Variants in KCNH1 observed in about 807,000 individuals in gnomAD.
KCNH1 encodes voltage-gated delayed rectifier potassium channel KCNH1.
Under a neutral mutation model 69.2 loss-of-function variants are expected in KCNH1, and 27 were observed. That is an observed-to-expected ratio of 0.39 (90% CI 0.29 to 0.54). The LOEUF (loss-of-function observed/expected upper bound fraction) is 0.54. Ranked by LOEUF, KCNH1 falls within the 20% of genes least tolerant of loss-of-function variation. KCNH1 has a pLI of 0.68. For missense variants in KCNH1, 798 were observed against 1,261.6 expected, an observed-to-expected ratio of 0.63 and a Z score of 5.57; for synonymous variants, 456 against 487.7, an observed-to-expected ratio of 0.93 and a Z score of 0.86.
At chr1:210,839,189 G>A (rs1196550905) in intron 7 of KCNH1, among the ~76,000 whole-genome samples, 1 of 152,188 alleles carries the variant, frequency 6.6e-6, no homozygotes, top group East Asian at 1.9e-4. Flanking sequence ...ACTGGATAAA[G>A]AAAATGTGGT....
chr1:210,995,785 T>C (rs2102393834), intron 6 of KCNH1, among the ~76,000 whole-genome samples: 1 of 152,336 alleles, frequency 6.6e-6, no homozygotes, highest in African/African-American at 2.4e-5. Context: ...ATAGGTTACA[T>C]TCATGTTTCT....
chr1:210,898,872 A>G (rs1338982802), intron 7 of KCNH1, among the ~76,000 whole-genome samples: 1 of 152,190 alleles, frequency 6.6e-6, no homozygotes, highest in Non-Finnish European at 1.5e-5. Context: ...CAGAACAAAT[A>G]GAGAAGCTAA....
chr1:210,976,388 G>A (rs1436931763), intron 6 of KCNH1, among the ~76,000 whole-genome samples: 3 of 146,338 alleles, frequency 2.1e-5, no homozygotes, highest in African/African-American at 7.4e-5. Context: ...AAGAAAATGT[G>A]GCACATACAA....
chr1:211,080,804 A>C (rs1285310102), intron 5 of KCNH1, among the ~76,000 whole-genome samples: 4 of 152,230 alleles, frequency 2.6e-5, no homozygotes, highest in Admixed American at 2.6e-4. Flanking sequence ...TACACCTTAT[A>C]CAAACATTAA....
intron 5 of KCNH1, among the ~76,000 whole-genome samples, chr1:211,021,891 G>T (rs1413223037): frequency 6.6e-6 from 1 of 151,978 alleles, no homozygotes; most frequent in Admixed American, 6.6e-5. Flanking sequence ...ATTACAATGT[G>T]CAATTACCCA....
At chr1:210,855,955 C>T (rs1440125263) in intron 7 of KCNH1, among the ~76,000 whole-genome samples, 1 of 152,154 alleles carries the variant, frequency 6.6e-6, no homozygotes, top group Non-Finnish European at 1.5e-5. Context: ...TGCCACCTGG[C>T]TAGCAGGTGG....
intron 6 of KCNH1, among the ~76,000 whole-genome samples, chr1:211,001,264 T>G (rs905319468): frequency 6.6e-6 from 1 of 152,182 alleles, no homozygotes; most frequent in Non-Finnish European, 1.5e-5. Flanking sequence ...AATCTACTCA[T>G]CTGACAAAGG....
intron 7 of KCNH1, among the ~76,000 whole-genome samples, chr1:210,875,902 CA>C (rs757006179): frequency 1.3e-5 from 2 of 150,880 alleles, no homozygotes; most frequent in African/African-American, 2.4e-5. Context: ...TAGCAACAAA[CA>C]ATGTAAAACA....
intron 6 of KCNH1, among the ~76,000 whole-genome samples, chr1:210,928,235 A>G (rs1462193770): frequency 6.6e-6 from 1 of 152,220 alleles, no homozygotes; most frequent in African/African-American, 2.4e-5. Flanking sequence ...AGAATATTCT[A>G]CTCAACAACT....
intron 7 of KCNH1, among the ~76,000 whole-genome samples, chr1:210,907,749 T>A (rs1289853683): frequency 6.6e-6 from 1 of 152,046 alleles, no homozygotes; most frequent in Non-Finnish European, 1.5e-5. Flanking sequence ...GGGGTGGGGG[T>A]TCACATAGCA....
chr1:210,922,373 G>C (rs969275548), intron 6 of KCNH1, among the ~76,000 whole-genome samples: 4 of 104,120 alleles, frequency 3.8e-5, no homozygotes, highest in Non-Finnish European at 7.2e-5. Flanking sequence ...AACAGAGCGA[G>C]ACTCCGTCTC....
At chr1:210,759,998 C>G (rs1284614920) in intron 10 of KCNH1, among the ~76,000 whole-genome samples, 1 of 152,150 alleles carries the variant, frequency 6.6e-6, no homozygotes, top group Non-Finnish European at 1.5e-5. Context: ...GCATTGGATT[C>G]TCATAGGAGT....
At chr1:210,864,293 G>A (rs1043221063) in intron 7 of KCNH1, among the ~76,000 whole-genome samples, 4 of 152,188 alleles carry the variant, frequency 2.6e-5, no homozygotes, top group African/African-American at 9.7e-5. Flanking sequence ...GTGAGGATGT[G>A]GGGAATGAGG....
chr1:210,998,389 G>C (rs574203168), intron 6 of KCNH1, among the ~76,000 whole-genome samples: 13 of 152,150 alleles, frequency 8.5e-5, no homozygotes, highest in South Asian at 4.2e-4. Flanking sequence ...AAACTTTAAA[G>C]CAACAAAGAT....
intron 6 of KCNH1, among the ~76,000 whole-genome samples, chr1:210,970,228 A>C (rs1688486954): frequency 6.6e-6 from 1 of 151,904 alleles, no homozygotes; most frequent in Non-Finnish European, 1.5e-5. Context: ...TAAGCCTTGC[A>C]CACATTAGCT....
rs867462682 is a variant in KCNH1 at position 210,922,107 on chromosome 1, C to A, written c.1033-2038G>T. On this transcript the variant is annotated intron_variant, in intron 6 of 10. Transcript: ENST00000271751. ...TTAAAAAAAAAACTGACGGGCCAGG[C>A]GCGGTGGCTCATGCCTGTAATCCCA... Among the ~76,000 whole-genome samples the A allele has an allele frequency of 2.7e-4, 41 of 151,674 alleles. 1 individual carries two copies. Among genetic ancestry groups the A allele is most frequent in the Admixed American group, 2.0e-4 (3 of 15,244 alleles).
intron 10 of KCNH1, among the ~76,000 whole-genome samples, chr1:210,720,639 T>C (rs1344451614): frequency 6.6e-6 from 1 of 152,194 alleles, no homozygotes; most frequent in Non-Finnish European, 1.5e-5. Context: ...TATAGATCTA[T>C]TGTTTGTTTC....
At chr1:210,801,600 G>A (rs1684428481) in intron 8 of KCNH1, among the ~76,000 whole-genome samples, 2 of 152,202 alleles carry the variant, frequency 1.3e-5, no homozygotes, top group Non-Finnish European at 2.9e-5. Flanking sequence ...TGTCTCCCAT[G>A]GGCAGCCACC....
intron 6 of KCNH1, among the ~76,000 whole-genome samples, chr1:210,982,242 AT>A (rs5780621): frequency 0.13 from 19,661 of 151,628 alleles, 1,604 homozygotes; most frequent in African/African-American, 0.22. Context: ...TATTATTATT[AT>A]TATTATAAAG....
Sources: allele counts gnomAD v4.1 joint callset (sites outside exome capture counted in the v4.1 genomes callset), GRCh38; gene constraint gnomAD v4.1.1; transcripts MANE v1.5; gene names NCBI Gene and HGNC (gene_info 2026-07-23, HGNC 2026-07-21).